Variants in GALNT13 observed in about 807,000 individuals in gnomAD.
GALNT13 encodes the protein UDP-GalNAc:polypeptide N-acetylgalactosaminyltransferase 13.
Under a neutral mutation model 64.2 loss-of-function variants are expected in GALNT13, and 28 were observed. The ratio of observed to expected loss-of-function variants is 0.44; its 90% CI spans 0.32 to 0.60. The LOEUF (loss-of-function observed/expected upper bound fraction) is 0.60, where lower values mean the gene tolerates loss of function less well. GALNT13 is among the 20% of genes least tolerant of loss of function. The pLI is 0.05. For synonymous variants in GALNT13, 214 were observed against 224.6 expected (o/e 0.95, Z 0.42); for missense variants, 577 against 669.8 (o/e 0.86, Z 1.53).
chr2:153,914,361 T>C (rs916912893), intron 2 of GALNT13, among the ~76,000 whole-genome samples: 2 of 151,898 alleles, frequency 1.3e-5, no homozygotes, highest in Non-Finnish European at 2.9e-5. Context: ...GGTGTGTGCC[T>C]GTAGTCCCAG....
At chr2:153,380,155 T>G in the GALNT13 span, among the ~76,000 whole-genome samples, 3 of 152,124 alleles carry the variant, frequency 2.0e-5, no homozygotes, top group African/African-American at 7.2e-5. Context: ...AACCAATCAT[T>G]GATTGAAAAT....
chr2:154,101,476 T>C (rs1271259970), intron 3 of GALNT13, among the ~76,000 whole-genome samples: 3 of 152,084 alleles, frequency 2.0e-5, no homozygotes, highest in Non-Finnish European at 4.4e-5. Context: ...ATGTTTTGTA[T>C]TTCCGTGGTA....
intron 10 of GALNT13, among the ~76,000 whole-genome samples, chr2:154,402,529 A>C (rs185552611): frequency 1.3e-5 from 2 of 152,382 alleles, no homozygotes; most frequent in Admixed American, 1.3e-4. Context: ...CAGCCAATTA[A>C]AGTTAAAACT....
At chr2:153,439,950 C>T in the GALNT13 span, among the ~76,000 whole-genome samples, 19 of 152,218 alleles carry the variant, frequency 1.2e-4, no homozygotes, top group African/African-American at 3.9e-4. Flanking sequence ...CCTATTCGGC[C>T]GTCTTGGCCT....
chr2:153,650,306 C>G, the GALNT13 span, among the ~76,000 whole-genome samples: 1 of 151,476 alleles, frequency 6.6e-6, no homozygotes, highest in African/African-American at 2.4e-5. Flanking sequence ...TTTTTGTTTT[C>G]CATTTGCTTG....
chr2:154,084,486 A>T (rs1461882834), intron 3 of GALNT13, among the ~76,000 whole-genome samples: 2 of 151,920 alleles, frequency 1.3e-5, no homozygotes, highest in African/African-American at 4.8e-5. Flanking sequence ...TAAGTAGAGT[A>T]TAATGTAATC....
the GALNT13 span, among the ~76,000 whole-genome samples, chr2:153,434,921 T>C: frequency 1.3e-5 from 2 of 152,168 alleles, no homozygotes; most frequent in South Asian, 2.1e-4. Flanking sequence ...ATGTCCTGAA[T>C]GGTATTGCCT....
At chr2:154,411,580 T>G (rs1206502862) in intron 11 of GALNT13, among the ~76,000 whole-genome samples, 5 of 151,838 alleles carry the variant, frequency 3.3e-5, no homozygotes, top group Admixed American at 2.6e-4. Flanking sequence ...GAAAAAATAT[T>G]TGAACAATAT....
chr2:154,355,229 C>T (rs572186642), intron 9 of GALNT13, among the ~76,000 whole-genome samples: 33 of 152,172 alleles, frequency 2.2e-4, no homozygotes, highest in African/African-American at 7.7e-4. Flanking sequence ...GATGTGCCAT[C>T]TCATTTAATT....
chr2:153,565,617 G>A, the GALNT13 span, among the ~76,000 whole-genome samples: 3 of 151,898 alleles, frequency 2.0e-5, no homozygotes, highest in African/African-American at 4.8e-5. Context: ...TTTTTTTCTC[G>A]TAAGTGTTAT....
At chr2:153,994,093 G>A (rs1285327119) in intron 3 of GALNT13, among the ~76,000 whole-genome samples, 1 of 152,022 alleles carries the variant, frequency 6.6e-6, no homozygotes, top group Non-Finnish European at 1.5e-5. Context: ...AGGCCCCAGT[G>A]TGTGATGTTC....
intron 10 of GALNT13, among the ~76,000 whole-genome samples, chr2:154,408,540 A>G (rs1699653690): frequency 1.3e-5 from 2 of 152,136 alleles, no homozygotes. Context: ...CAATCTAAAA[A>G]GAACATAAAT....
the GALNT13 span, among the ~76,000 whole-genome samples, chr2:153,814,662 T>C: frequency 6.6e-6 from 1 of 152,062 alleles, no homozygotes. Flanking sequence ...ATCCAGAAAG[T>C]AATGCATCAC....
chr2:153,308,109 G>A, the GALNT13 span, among the ~76,000 whole-genome samples: 38 of 152,186 alleles, frequency 2.5e-4, no homozygotes, highest in African/African-American at 8.4e-4. Context: ...AAACCTGGGG[G>A]CTATTTTTAT....
the GALNT13 span, among the ~76,000 whole-genome samples, chr2:153,236,419 T>C: frequency 6.6e-6 from 1 of 152,146 alleles, no homozygotes; most frequent in East Asian, 1.9e-4. Flanking sequence ...AGTCAGAGAC[T>C]GGCTTCAAAG....
the GALNT13 span, among the ~76,000 whole-genome samples, chr2:153,658,265 C>A: frequency 6.6e-6 from 1 of 152,130 alleles, no homozygotes; most frequent in Non-Finnish European, 1.5e-5. Context: ...TACTGCTTAT[C>A]TGAATTCTAT....
At chr2:154,042,695 CATATATATATAT>C (rs70981696) in intron 3 of GALNT13, among the ~76,000 whole-genome samples, 1 of 107,916 alleles carries the variant, frequency 9.3e-6, no homozygotes, top group Admixed American at 9.4e-5. Flanking sequence ...TATCATTATG[CATATATATATAT>C]ATATATATAT....
At chr2:154,284,279 C>T (rs149160231) in intron 8 of GALNT13, among the ~76,000 whole-genome samples, 109 of 152,274 alleles carry the variant, frequency 7.2e-4, no homozygotes, top group African/African-American at 2.6e-3. Flanking sequence ...TTCCCCATCT[C>T]TCCCCGATTC....
the GALNT13 span, among the ~76,000 whole-genome samples, chr2:153,850,177 TA>T: frequency 4.6e-3 from 655 of 141,920 alleles, 5 homozygotes; most frequent in African/African-American, 0.015. Context: ...AGACTCCGTC[TA>T]AAAAAAAAAA....
Sources: gnomAD v4.1 joint callset for allele counts (sites outside exome capture counted in the v4.1 genomes callset) on GRCh38, gnomAD v4.1.1 for gene constraint, MANE v1.5 for transcripts, NCBI Gene and HGNC (gene_info 2026-07-23, HGNC 2026-07-21) for gene names.